The following USH2A variants were observed in gnomAD, a reference collection of about 807,000 sequenced individuals.
The protein encoded by USH2A is Usher syndrome 2A (autosomal recessive, mild).
Under a neutral mutation model 538.9 loss-of-function variants are expected in USH2A, and 443 were observed. The ratio of observed to expected loss-of-function variants is 0.82; its 90% CI spans 0.76 to 0.89. The LOEUF (loss-of-function observed/expected upper bound fraction) is 0.89, where lower values mean the gene tolerates loss of function less well. Ranked by LOEUF, USH2A falls within the 40% of genes least tolerant of loss-of-function variation. USH2A has a pLI of 0.00. For missense variants in USH2A, 6,633 were observed against 6,324.8 expected (o/e 1.05, Z -1.65); for synonymous variants, 2,413 against 2,273.5 (o/e 1.06, Z -1.75).
intron 32 of USH2A, among the ~76,000 whole-genome samples, chr1:216,001,546 T>A (rs12125636): frequency 0.066 from 10,027 of 152,260 alleles, 459 homozygotes; most frequent in Non-Finnish European, 0.1. Context: ...CAAAGTTCAG[T>A]CAGGTGTACC....
At chr1:215,958,372 T>G (rs909347399) in intron 37 of USH2A, among the ~76,000 whole-genome samples, 7 of 152,282 alleles carry the variant, frequency 4.6e-5, no homozygotes, top group African/African-American at 1.4e-4. Flanking sequence ...CTATTCTGGG[T>G]GCTAGGATTT....
intron 22 of USH2A, among the ~76,000 whole-genome samples, chr1:216,094,586 GATTT>G (rs1423479404): frequency 6.6e-6 from 1 of 151,920 alleles, no homozygotes; most frequent in African/African-American, 2.4e-5. Flanking sequence ...AATATTACTA[GATTT>G]ATTATTCACT....
Position 215,635,122 on chromosome 1 carries a change from G to A in USH2A, c.15053-419C>T, listed in dbSNP as rs75505467. The stretch of plus-strand genomic sequence containing the variant: ...GGACCCTTACTATTATTGCTGCAGA[G>A]TCACAAACAAAATCACTCCTTGGAG... On this transcript the variant is annotated intron_variant, in intron 69 of 71. Transcript: ENST00000307340. Among the ~76,000 whole-genome samples, 30 of 152,300 alleles carry A rather than the reference G, an allele frequency of 2.0e-4. No homozygotes were observed. In the East Asian group the frequency reaches 5.6e-3, roughly 28 times the overall value.
intron 3 of USH2A, among the ~76,000 whole-genome samples, chr1:216,379,682 T>C (rs2809295): frequency 0.75 from 113,630 of 152,112 alleles, 42,675 homozygotes; most frequent in East Asian, 0.84. Context: ...AGACTTACAA[T>C]GGGGAGAAAG....
intron 47 of USH2A, among the ~76,000 whole-genome samples, chr1:215,827,383 A>G (rs1371266840): frequency 1.3e-5 from 2 of 152,200 alleles, no homozygotes; most frequent in Admixed American, 1.3e-4. Context: ...AGCTGTTTCT[A>G]TGGGAGCTAC....
At position 216,250,970 on chromosome 1, in the gene USH2A, C is replaced by T. The variant is rs750565581; in HGVS notation, c.2100G>A (p.Gly700=). ...GACAGGTAATATCTCCATCCACTGTCCCAGAGGTATTGCAGTTACAGGGAC... is the reference window on the plus strand; with the variant it reads ...GACAGGTAATATCTCCATCCACTGTTCCAGAGGTATTGCAGTTACAGGGAC... ...GCSPCNCNTS[G]TVDGDITCHQ... Residue 700 remains glycine, a synonymous_variant, in exon 12 of 72, where the codon GGG becomes GGA. Transcript: ENST00000307340. 10 of 1,614,022 alleles carry T rather than the reference C, an allele frequency of 6.2e-6. No homozygotes were observed. The highest frequency in any genetic ancestry group is 1.3e-5 in the African/African-American group (1 of 75,024).
intron 50 of USH2A, among the ~76,000 whole-genome samples, chr1:215,797,426 C>T (rs139801773): frequency 1.5e-4 from 23 of 152,238 alleles, no homozygotes; most frequent in Non-Finnish European, 3.2e-4. Context: ...GAAGAAGATG[C>T]CAACTAGAGC....
intron 35 of USH2A, among the ~76,000 whole-genome samples, chr1:215,979,718 A>T (rs966760893): frequency 1.3e-5 from 2 of 152,110 alleles, no homozygotes; most frequent in Non-Finnish European, 2.9e-5. Context: ...TAAAAAAAAA[A>T]CTTGTGACAC....
chr1:216,323,778 C>A, intron 7 of USH2A, 83 bp from the exon 8 acceptor site: 1 of 1,255,664 alleles, frequency 8.0e-7, no homozygotes, highest in East Asian at 2.4e-5. Context: ...GAAATTACTA[C>A]ACAGTATCAA....
At chr1:216,029,489 TG>T (rs1669041118) in intron 32 of USH2A, among the ~76,000 whole-genome samples, 1 of 152,062 alleles carries the variant, frequency 6.6e-6, no homozygotes, top group Non-Finnish European at 1.5e-5. Context: ...CATATGTGTG[TG>T]TATAGCCAGA....
chr1:215,873,466 T>G (rs1664674586), intron 43 of USH2A, among the ~76,000 whole-genome samples: 1 of 152,192 alleles, frequency 6.6e-6, no homozygotes, highest in Non-Finnish European at 1.5e-5. Flanking sequence ...CTAGCAAAGA[T>G]GCAGATGTCA....
At chr1:216,371,964 C>A (rs900133433) in intron 3 of USH2A, among the ~76,000 whole-genome samples, 1 of 152,156 alleles carries the variant, frequency 6.6e-6, no homozygotes, top group African/African-American at 2.4e-5. Context: ...ATTATAAATG[C>A]TCCAGTTTAT....
At chr1:216,368,021 G>A (rs1380700638) in intron 3 of USH2A, among the ~76,000 whole-genome samples, 2 of 152,160 alleles carry the variant, frequency 1.3e-5, no homozygotes, top group Non-Finnish European at 2.9e-5. Flanking sequence ...AGCAGTAGCA[G>A]TTGTAGAAAA....
chr1:216,302,719 T>C (rs1189498908), intron 9 of USH2A, among the ~76,000 whole-genome samples: 6 of 152,226 alleles, frequency 3.9e-5, no homozygotes, highest in African/African-American at 1.4e-4. Context: ...TTTAGAAACA[T>C]TCTAATTCAA....
rs1017426934 is a variant in USH2A at position 215,627,135 on chromosome 1, T to C, written c.15520-1265A>G. 3.9e-5 allele frequency among the ~76,000 whole-genome samples: 6 copies of C among 152,196 alleles called. No homozygotes were observed. In the East Asian group the frequency reaches 7.7e-4, roughly 20 times the overall value. On this transcript the variant is annotated intron_variant, in intron 71 of 71. Coordinates refer to ENST00000307340, the MANE Select transcript of USH2A (RefSeq NM_206933.4). ...TTTTTTTATATAGTGTTAGGGAACCTGGGTCCAGCGAACTCCCTTTATTAT... is the reference window on the plus strand; with the variant it reads ...TTTTTTTATATAGTGTTAGGGAACCCGGGTCCAGCGAACTCCCTTTATTAT...
chr1:215,721,294 C>G (rs554699415), intron 61 of USH2A, among the ~76,000 whole-genome samples: 1 of 152,126 alleles, frequency 6.6e-6, no homozygotes, highest in Non-Finnish European at 1.5e-5. Flanking sequence ...AGGCTGGTCT[C>G]GAACGCCTGA....
chr1:215,634,759 T>C, intron 69 of USH2A, 56 bp from the exon 70 acceptor site: 1 of 1,613,666 alleles, frequency 6.2e-7, no homozygotes, highest in South Asian at 1.1e-5. Context: ...ATTTTTGTCA[T>C]CTCTGGCCCT....
intron 36 of USH2A, among the ~76,000 whole-genome samples, chr1:215,965,922 G>GAC (rs1558185688): frequency 5.7e-5 from 5 of 87,376 alleles, no homozygotes; most frequent in South Asian, 4.1e-4. Flanking sequence ...TCTCTTCTCT[G>GAC]TCACACACAC....
chr1:215,849,165 T>C (rs1663949111), intron 44 of USH2A, among the ~76,000 whole-genome samples: 1 of 152,192 alleles, frequency 6.6e-6, no homozygotes, highest in African/African-American at 2.4e-5. Context: ...ACAAGGGAAA[T>C]CTTGTCTAGA....
Sources: gnomAD v4.1 joint callset for allele counts (sites outside exome capture counted in the v4.1 genomes callset) on GRCh38, gnomAD v4.1.1 for gene constraint, MANE v1.5 for transcripts, NCBI Gene and HGNC (gene_info 2026-07-23, HGNC 2026-07-21) for gene names.